The following LSAMP variants were observed in gnomAD, a reference collection of about 807,000 sequenced individuals.
The protein encoded by LSAMP is limbic system-associated membrane protein.
In LSAMP, 7 loss-of-function variants were observed where a neutral mutation model predicts 38.6. The observed-to-expected ratio is 0.18, with a 90% confidence interval of 0.10 to 0.34. The LOEUF (loss-of-function observed/expected upper bound fraction) is 0.34. Ranked by LOEUF, LSAMP falls within the 10% of genes least tolerant of loss-of-function variation. The probability of loss-of-function intolerance (pLI) is 1.00; values close to 1 mark genes in which losing one functional copy is unlikely to be tolerated. For missense variants in LSAMP, 313 were observed against 420.0 expected, an observed-to-expected ratio of 0.75 and a Z score of 2.23; for synonymous variants, 154 against 166.8, an observed-to-expected ratio of 0.92 and a Z score of 0.59.
intron 2 of LSAMP, among the ~76,000 whole-genome samples, chr3:116,081,808 C>G (rs960219052): frequency 2.0e-5 from 3 of 152,088 alleles, no homozygotes; most frequent in African/African-American, 4.8e-5. Flanking sequence ...AAATTTAAAT[C>G]TTTATTTAGA....
chr3:116,187,173 C>T (rs566868713), intron 1 of LSAMP, among the ~76,000 whole-genome samples: 5 of 152,094 alleles, frequency 3.3e-5, no homozygotes, highest in Non-Finnish European at 7.4e-5. Context: ...ACATGGTGCA[C>T]AGGTGGTGTA....
At chr3:115,928,111 A>C (rs777592699) in intron 3 of LSAMP, among the ~76,000 whole-genome samples, 5 of 152,250 alleles carry the variant, frequency 3.3e-5, no homozygotes, top group African/African-American at 1.2e-4. Flanking sequence ...AATTTGCTGA[A>C]TAACAAAATG....
intron 2 of LSAMP, among the ~76,000 whole-genome samples, chr3:116,083,157 T>C (rs972500476): frequency 6.6e-6 from 1 of 152,084 alleles, no homozygotes; most frequent in Non-Finnish European, 1.5e-5. Flanking sequence ...GCAAAGATAA[T>C]AGGCAACGAG....
At chr3:116,235,753 G>GA (rs1389231140) in intron 1 of LSAMP, among the ~76,000 whole-genome samples, 2 of 152,038 alleles carry the variant, frequency 1.3e-5, no homozygotes, top group Admixed American at 1.3e-4. Context: ...TTACTATATA[G>GA]AAAAAATTAG....
At chr3:116,437,035 A>ATG (rs1216002498) in intron 1 of LSAMP, among the ~76,000 whole-genome samples, 8 of 139,848 alleles carry the variant, frequency 5.7e-5, no homozygotes, top group African/African-American at 2.3e-4. Flanking sequence ...GTATATATAT[A>ATG]TATGTGTATA....
chr3:116,358,030 T>G (rs1440279276), intron 1 of LSAMP, among the ~76,000 whole-genome samples: 1 of 152,200 alleles, frequency 6.6e-6, no homozygotes, highest in Non-Finnish European at 1.5e-5. Flanking sequence ...TTCCTCCTTA[T>G]GATACATGAG....
rs145781752 is a variant in LSAMP, at chr3:116,301,621, C to T, written c.155+143256G>A. ...TTTCAATAATGGCCTAAAATTTATGCATTTCATTGGATTGAGTCACTGGAG... is the reference window on the plus strand; with the variant it reads ...TTTCAATAATGGCCTAAAATTTATGTATTTCATTGGATTGAGTCACTGGAG... On this transcript the variant is annotated intron_variant, in intron 1 of 6. Transcript: ENST00000490035. Among the ~76,000 whole-genome samples the T allele has an allele frequency of 2.5e-4, 38 of 152,212 alleles. 1 individual carries two copies. The East Asian group carries it at 7.2e-3, about 29-fold the overall frequency.
chr3:115,958,581 G>A lies in LSAMP; in HGVS notation c.514+60934C>T, dbSNP rs145829405. ...CTTGCCCGAAGGTCAGCCAGCAAGC[G>A]AGAGGAAAGGATGGAATTAGAACTC... On this transcript the variant is annotated intron_variant, in intron 3 of 6. Coordinates refer to ENST00000490035, the MANE Select transcript of LSAMP (RefSeq NM_002338.5). Among the ~76,000 whole-genome samples the A allele has an allele frequency of 6.2e-3, 937 of 152,260 alleles. 12 individuals are homozygous for A. The highest frequency in any genetic ancestry group is 0.031 in the Middle Eastern group (9 of 294).
At chr3:116,130,891 C>A (rs2107501623) in intron 1 of LSAMP, among the ~76,000 whole-genome samples, 1 of 152,056 alleles carries the variant, frequency 6.6e-6, no homozygotes, top group South Asian at 2.1e-4. Context: ...TCTTCCACTT[C>A]TCTCACTGGG....
intron 1 of LSAMP, among the ~76,000 whole-genome samples, chr3:116,118,663 A>G (rs1160715199): frequency 3.3e-5 from 5 of 152,178 alleles, no homozygotes; most frequent in African/African-American, 9.7e-5. Flanking sequence ...CCGTGAGACC[A>G]GAGGCTCTAT....
intron 3 of LSAMP, among the ~76,000 whole-genome samples, chr3:115,902,654 A>G (rs1379226197): frequency 6.6e-6 from 1 of 152,194 alleles, no homozygotes; most frequent in Non-Finnish European, 1.5e-5. Context: ...AAGAAAAAAC[A>G]AACATCCCCA....
intron 3 of LSAMP, among the ~76,000 whole-genome samples, chr3:115,968,774 G>A (rs77799533): frequency 6.6e-6 from 1 of 152,124 alleles, no homozygotes; most frequent in African/African-American, 2.4e-5. Context: ...ACTTGCCAGG[G>A]AATTGCAGTC....
intron 1 of LSAMP, among the ~76,000 whole-genome samples, chr3:116,292,407 G>A (rs953523950): frequency 6.6e-6 from 1 of 152,106 alleles, no homozygotes; most frequent in African/African-American, 2.4e-5. Context: ...AAGGATAAAT[G>A]ACATTGTATA....
chr3:116,165,094 A>T (rs1455388777), intron 1 of LSAMP, among the ~76,000 whole-genome samples: 1 of 152,166 alleles, frequency 6.6e-6, no homozygotes, highest in African/African-American at 2.4e-5. Context: ...CCAGGTGTAC[A>T]GATAGTATGT....
At chr3:115,824,634 G>A (rs150214333) in intron 6 of LSAMP, among the ~76,000 whole-genome samples, 100 of 151,714 alleles carry the variant, frequency 6.6e-4, no homozygotes, top group African/African-American at 2.2e-3. Flanking sequence ...CCCAGGAGGC[G>A]GAGGTTGCAG....
intron 1 of LSAMP, among the ~76,000 whole-genome samples, chr3:116,408,031 A>C (rs1289119193): frequency 2.6e-5 from 4 of 152,082 alleles, no homozygotes; most frequent in African/African-American, 9.7e-5. Context: ...ATCATCACAC[A>C]AACTTCTTAT....
rs1442313077 is a variant in LSAMP, at chr3:115,854,278, TA to T, written c.515-1662del. ...TTATTATTATTATTATTATTATTAT[TA>T]TTATTTTTTTTTTTTTTTTTTGAGA... On this transcript the variant is annotated intron_variant, in intron 3 of 6. Coordinates refer to ENST00000490035, the MANE Select transcript of LSAMP (RefSeq NM_002338.5). Among the ~76,000 whole-genome samples the T allele has an allele frequency of 6.9e-3, 762 of 110,262 alleles. 19 individuals are homozygous for T. The highest frequency in any genetic ancestry group is 0.014 in the Admixed American group (149 of 10,994). 72.3% of individuals were successfully genotyped at this position (110,262 alleles called of 152,430 possible).
intron 1 of LSAMP, among the ~76,000 whole-genome samples, chr3:116,221,326 C>T (rs190850946): frequency 2.0e-5 from 3 of 152,256 alleles, no homozygotes; most frequent in African/African-American, 7.2e-5. Context: ...TGCAAGTTAA[C>T]TCTTGCCCAA....
chr3:115,923,379 G>A (rs1937426984), intron 3 of LSAMP, among the ~76,000 whole-genome samples: 2 of 152,152 alleles, frequency 1.3e-5, no homozygotes, highest in African/African-American at 4.8e-5. Context: ...TTGACCATTT[G>A]AGTGCATCTA....
Sources: allele counts gnomAD v4.1 joint callset (sites outside exome capture counted in the v4.1 genomes callset), GRCh38; gene constraint gnomAD v4.1.1; transcripts MANE v1.5; gene names NCBI Gene and HGNC (gene_info 2026-07-23, HGNC 2026-07-21).